LAMA2: variants seen among roughly 807,000 people sequenced by gnomAD.
LAMA2 encodes the protein laminin subunit alpha-2.
In LAMA2, 269 loss-of-function variants were observed where a neutral mutation model predicts 364.8. That is an observed-to-expected ratio of 0.74 (90% CI 0.67 to 0.82). The LOEUF (loss-of-function observed/expected upper bound fraction) is 0.82. Among genes scored for constraint, LAMA2 ranks in the 40% least tolerant of loss-of-function variants. The pLI is 0.00. For missense variants in LAMA2, 3,807 were observed against 3,873.2 expected (o/e 0.98, Z 0.45); for synonymous variants, 1,379 against 1,370.6 (o/e 1.01, Z -0.14).
At chr6:129,150,012 A>G (rs1439136218) in intron 7 of LAMA2, among the ~76,000 whole-genome samples, 1 of 151,790 alleles carries the variant, frequency 6.6e-6, no homozygotes, top group African/African-American at 2.4e-5. Context: ...GGATGGCTGT[A>G]TTTTCTTTTT....
chr6:129,446,542 G>C (rs1393606042), intron 45 of LAMA2, among the ~76,000 whole-genome samples: 8 of 38,622 alleles, frequency 2.1e-4, no homozygotes, highest in African/African-American at 7.8e-4. Context: ...GGGGAGGCGA[G>C]GGGAGGGGAG....
chr6:129,059,713 T>C, intron 2 of LAMA2, 71 bp from the exon 3 acceptor site: 2 of 958,364 alleles, frequency 2.1e-6, no homozygotes, highest in Non-Finnish European at 3.4e-6. Flanking sequence ...TTTTTTACTT[T>C]AAAGAAAAAG....
intron 30 of LAMA2, among the ~76,000 whole-genome samples, chr6:129,346,915 G>C (rs547492566): frequency 1.8e-4 from 27 of 152,224 alleles, no homozygotes; most frequent in South Asian, 4.2e-4. Context: ...AAATGTGAAT[G>C]GTGTGAGCCA....
chr6:129,505,726 G>T (rs1786012297), intron 61 of LAMA2, among the ~76,000 whole-genome samples: 1 of 151,854 alleles, frequency 6.6e-6, no homozygotes, highest in South Asian at 2.1e-4. Context: ...GAGACGGGGG[G>T]TTTCACTGTG....
intron 10 of LAMA2, among the ~76,000 whole-genome samples, chr6:129,179,198 TCTC>T (rs1780788496): frequency 6.6e-6 from 1 of 152,152 alleles, no homozygotes; most frequent in Non-Finnish European, 1.5e-5. Flanking sequence ...TAGTGCATCT[TCTC>T]TAGTATTTAT....
intron 1 of LAMA2, among the ~76,000 whole-genome samples, chr6:128,937,838 G>GT (rs367841520): frequency 5.1e-4 from 73 of 143,856 alleles, no homozygotes; most frequent in Non-Finnish European, 7.1e-4. Context: ...CTTTGTCTTA[G>GT]TTTTTTTTTT....
At chr6:129,025,083 T>C (rs115843762) in intron 1 of LAMA2, among the ~76,000 whole-genome samples, 1,530 of 152,262 alleles carry the variant, frequency 0.01, 28 homozygotes, top group African/African-American at 0.035. Flanking sequence ...ACAGTAACAG[T>C]TTCCCATTAC....
chr6:129,271,464 C>CTTTTT (rs11287525), intron 17 of LAMA2, among the ~76,000 whole-genome samples: 2 of 80,244 alleles, frequency 2.5e-5, no homozygotes, highest in African/African-American at 3.9e-5. Flanking sequence ...AATTGGGATA[C>CTTTTT]TTTTTTTTTT....
intron 52 of LAMA2, among the ~76,000 whole-genome samples, chr6:129,474,119 A>AT (rs1562596722): frequency 6.6e-6 from 1 of 152,010 alleles, no homozygotes; most frequent in Non-Finnish European, 1.5e-5. Context: ...CATGTTTTTA[A>AT]TTTTTTGTTT....
intron 12 of LAMA2, among the ~76,000 whole-genome samples, chr6:129,226,303 G>C (rs918382477): frequency 6.6e-6 from 1 of 152,108 alleles, no homozygotes; most frequent in Non-Finnish European, 1.5e-5. Context: ...GCCAGTCTGT[G>C]TCTTTTAATT....
At chr6:129,104,049 G>A (rs1221271282) in intron 4 of LAMA2, among the ~76,000 whole-genome samples, 1 of 151,540 alleles carries the variant, frequency 6.6e-6, no homozygotes, top group South Asian at 2.1e-4. Context: ...TTTACAAACA[G>A]GTTCTCATTG....
intron 12 of LAMA2, among the ~76,000 whole-genome samples, chr6:129,225,187 T>C (rs1450458172): frequency 6.6e-6 from 1 of 152,186 alleles, no homozygotes; most frequent in African/African-American, 2.4e-5. Context: ...ATATCCCCTT[T>C]ATCATTTTTT....
At chr6:128,974,765 C>A (rs1195844580) in intron 1 of LAMA2, among the ~76,000 whole-genome samples, 1 of 152,014 alleles carries the variant, frequency 6.6e-6, no homozygotes, top group Non-Finnish European at 1.5e-5. Flanking sequence ...TTTCAAGCCA[C>A]TTTTATGGAC....
intron 40 of LAMA2, 147 bp from the exon 41 acceptor site, chr6:129,427,605 C>T (rs147464769): frequency 2.7e-5 from 18 of 672,734 alleles, no homozygotes; most frequent in Middle Eastern, 5.0e-4. Flanking sequence ...CTTTAACTAC[C>T]GAATATGTGC....
At chr6:129,245,317 A>G (rs1012212509) in intron 12 of LAMA2, among the ~76,000 whole-genome samples, 5 of 152,126 alleles carry the variant, frequency 3.3e-5, no homozygotes, top group Admixed American at 3.3e-4. Flanking sequence ...AAGTGAACTA[A>G]AATTGCACTT....
In LAMA2 at chr6:129,438,630, T is replaced by A; in HGVS notation, c.5969-16T>A. ...ATAAAACTTATTTAATCCTTTTTTT[T>A]GTTTTTTATTCGCAGAAAATGAAGA... On this transcript the variant is annotated splice_polypyrimidine_tract_variant and intron_variant, in intron 41 of 64. Coordinates refer to ENST00000421865, the MANE Select transcript of LAMA2 (RefSeq NM_000426.4). The A allele has an allele frequency of 7.9e-7, 1 of 1,273,712 alleles. No homozygotes were observed. The highest frequency in any genetic ancestry group is 1.1e-6 in the Non-Finnish European group (1 of 869,944). 78.9% of individuals were successfully genotyped at this position (1,273,712 alleles called of 1,614,324 possible).
intron 49 of LAMA2, 74 bp downstream of exon 49, chr6:129,460,398 C>T: frequency 1.4e-6 from 2 of 1,416,256 alleles, no homozygotes; most frequent in South Asian, 1.2e-5. Flanking sequence ...GCATAATATT[C>T]TATTATCATG....
chr6:129,077,330 G>C (rs909633779), intron 3 of LAMA2, among the ~76,000 whole-genome samples: 4 of 152,038 alleles, frequency 2.6e-5, no homozygotes, highest in Non-Finnish European at 4.4e-5. Flanking sequence ...GAGTGGGCAA[G>C]TAAAAAGACA....
intron 56 of LAMA2, among the ~76,000 whole-genome samples, chr6:129,490,006 G>T (rs1306449866): frequency 3.3e-5 from 5 of 151,558 alleles, no homozygotes; most frequent in African/African-American, 4.8e-5. Flanking sequence ...CACATAGCAG[G>T]CCTCAGTAAA....
Sources: gnomAD v4.1 joint callset for allele counts (sites outside exome capture counted in the v4.1 genomes callset) on GRCh38, gnomAD v4.1.1 for gene constraint, MANE v1.5 for transcripts, NCBI Gene and HGNC (gene_info 2026-07-23, HGNC 2026-07-21) for gene names.